Variants in IL31RA observed in about 807,000 individuals in gnomAD.
The protein encoded by IL31RA is interleukin-31 receptor subunit alpha.
A neutral mutation model predicts 83.7 loss-of-function variants in IL31RA; 66 were observed. The ratio of observed to expected loss-of-function variants is 0.79; its 90% CI spans 0.65 to 0.97. The LOEUF (loss-of-function observed/expected upper bound fraction) is 0.97. IL31RA is among the 50% of genes least tolerant of loss of function. The pLI, the probability that IL31RA is intolerant of heterozygous loss-of-function variation, is 0.00. For missense variants in IL31RA, 798 were observed against 919.4 expected (o/e 0.87, Z 1.71); for synonymous variants, 325 against 329.0 (o/e 0.99, Z 0.13).
rs1297805815 is a variant in IL31RA, at chr5:55,918,517, C to T, written c.*1397C>T. ...GACTCAGTCACATTTGGGGTTTTGC[C>T]CTCCCCTGTCCTGCCTGGGACTGGC... On this transcript the variant is annotated 3_prime_UTR_variant, in exon 15 of 15. Transcript: ENST00000652347. Among the ~76,000 whole-genome samples, 1 of 152,116 alleles carries T rather than the reference C, an allele frequency of 6.6e-6. No homozygotes were observed. Among genetic ancestry groups the T allele is most frequent in the African/African-American group, 2.4e-5 (1 of 41,408 alleles).
chr5:55,872,080 A>G (rs528846440), intron 3 of IL31RA, among the ~76,000 whole-genome samples, 190 bp from the exon 4 acceptor site: 40 of 152,268 alleles, frequency 2.6e-4, no homozygotes, highest in Non-Finnish European at 4.9e-4. Context: ...GGCAGCAGAA[A>G]GCAGGTAACC....
At chr5:55,855,765 T>C (rs1363344831) in intron 1 of IL31RA, among the ~76,000 whole-genome samples, 4 of 152,246 alleles carry the variant, frequency 2.6e-5, no homozygotes, top group African/African-American at 4.8e-5. Context: ...GCTTCCATCT[T>C]TGCTTTCTTC....
In IL31RA at chr5:55,882,709, TA is replaced by T. The variant is rs372520991; in HGVS notation, c.455-334del. Among the ~76,000 whole-genome samples the T allele has an allele frequency of 3.0e-3, 456 of 152,284 alleles. 1 individual carries two copies. The highest frequency in any genetic ancestry group is 0.01 in the African/African-American group (425 of 41,550). On this transcript the variant is annotated intron_variant, in intron 4 of 14. Transcript: ENST00000652347. ...CCTAGGGGTCAAGGAAGGAGAGGCC[TA>T]GGGGAGGTGAGAGTAAATAAGAGAG...
chr5:55,921,419 A>AT lies in IL31RA; in HGVS notation c.*4300dup, dbSNP rs1177720743. Among the ~76,000 whole-genome samples, 4 of 152,220 alleles carry AT rather than the reference A, an allele frequency of 2.6e-5. No homozygotes were observed. Among genetic ancestry groups the AT allele is most frequent in the African/African-American group, 9.6e-5 (4 of 41,456 alleles). ...GGTTTGCTAAGGCATCCCTTGGTTG[A>AT]TAGGATTCGTTTAAAGGTCCTCCTA... On this transcript the variant is annotated 3_prime_UTR_variant, in exon 15 of 15. Transcript: ENST00000652347.
rs752948148 is a variant in IL31RA at position 55,914,853 on chromosome 5, G to T, written c.1743G>T (p.Leu581Phe). ...VAYGLKKPNK[L>F]THLCWPTVPN... is the part of the protein sequence containing the mutation. ...AAATCTTCTCTCTCATTAGCAAATT[G>T]ACTCATCTGTGTTGGCCCACCGTTC... is the stretch of plus-strand genomic sequence containing the variant. The change falls in exon 14 of 15, where the codon TTG becomes TTT. Residue 581 changes from leucine (L) to phenylalanine (F), a missense_variant. Leu to Phe is a conservative substitution (Grantham distance 22, BLOSUM62 0). Transcript: ENST00000652347. The T allele has an allele frequency of 1.5e-5, 24 of 1,611,044 alleles. No individual in the cohort carries two copies. Among genetic ancestry groups the T allele is most frequent in the Admixed American group, 3.3e-5 (2 of 60,008 alleles).
rs973783349 is a variant in IL31RA, at chr5:55,863,656, C to CTT, written c.154+4059_154+4060dup. Among the ~76,000 whole-genome samples, 80 of 152,194 alleles carry CTT rather than the reference C, an allele frequency of 5.3e-4. 1 individual carries two copies. The highest frequency in any genetic ancestry group is 1.5e-3 in the Admixed American group (23 of 15,280). On this transcript the variant is annotated intron_variant, in intron 2 of 14. Transcript: ENST00000652347. ...TCTGTAACACCAATATCAAGAGAGC[C>CTT]TTTGTAAGACTATTGTTCTCTCTTA...
At position 55,889,975 on chromosome 5, in the gene IL31RA, A is replaced by G. The variant is rs1747880489; in HGVS notation, c.612A>G (p.Glu204=). Residue 204 remains glutamate, a synonymous_variant, in exon 6 of 15, where the codon GAA becomes GAG. Coordinates refer to ENST00000652347, the MANE Select transcript of IL31RA (RefSeq NM_139017.7). ...GGATTGTCTCTGTCTTGTAGATGGA[A>G]GTCAACTTCGCTAAGAACCGTAAGG... ...FRTVNSTSWM[E]VNFAKNRKDK... 6.2e-7 allele frequency: 1 copy of G among 1,614,124 alleles called. No homozygotes were observed. Among genetic ancestry groups the G allele is most frequent in the South Asian group, 1.1e-5 (1 of 91,084 alleles).
chr5:55,916,158 A>T (rs1749766145), intron 14 of IL31RA, among the ~76,000 whole-genome samples: 1 of 152,074 alleles, frequency 6.6e-6, no homozygotes, highest in Non-Finnish European at 1.5e-5. Flanking sequence ...GGCAGGGGGG[A>T]TTGCTTGAGC....
Position 55,920,674 on chromosome 5 carries a change from T to C in IL31RA, c.*3554T>C, listed in dbSNP as rs1251610619. Among the ~76,000 whole-genome samples the C allele has an allele frequency of 6.6e-6, 1 of 152,238 alleles. No homozygotes were observed. The highest frequency in any genetic ancestry group is 1.5e-5 in the Non-Finnish European group (1 of 68,040). On this transcript the variant is annotated 3_prime_UTR_variant, in exon 15 of 15. Transcript: ENST00000652347. The stretch of plus-strand genomic sequence containing the variant: ...ACAGACATGAAACTCAGACTGCCAC[T>C]ATGTTTCAACTTTGAATTAGCTGCA...
intron 13 of IL31RA, among the ~76,000 whole-genome samples, chr5:55,913,836 G>A (rs569838955): frequency 8.5e-5 from 13 of 152,312 alleles, no homozygotes; most frequent in African/African-American, 2.9e-4. Flanking sequence ...TGCCCCACAG[G>A]CTCTGTCTGC....
At chr5:55,889,238 A>T (rs1190352793) in intron 5 of IL31RA, among the ~76,000 whole-genome samples, 2 of 152,204 alleles carry the variant, frequency 1.3e-5, no homozygotes, top group Non-Finnish European at 2.9e-5. Flanking sequence ...TCTCTTGGAG[A>T]GCTGAGTCCC....
intron 11 of IL31RA, 109 bp downstream of exon 11, chr5:55,908,520 G>A: frequency 6.2e-7 from 1 of 1,605,804 alleles, no homozygotes; most frequent in Non-Finnish European, 8.5e-7. Context: ...TTGCAACCTG[G>A]CATGAATCAC....
chr5:55,888,487 A>G (rs1393415486), intron 5 of IL31RA, among the ~76,000 whole-genome samples: 7 of 152,386 alleles, frequency 4.6e-5, no homozygotes, highest in Non-Finnish European at 1.0e-4. Context: ...CTAAGGGTAC[A>G]ACAAAGCAGG....
intron 2 of IL31RA, among the ~76,000 whole-genome samples, chr5:55,867,085 T>TTG (rs758628114): frequency 3.9e-4 from 34 of 87,734 alleles, no homozygotes; most frequent in African/African-American, 1.0e-3. Context: ...GCATGTGTGT[T>TTG]TGTGTGTGTG....
the IL31RA span, chr5:55,839,816 A>T: frequency 3.9e-6 from 3 of 761,500 alleles, no homozygotes; most frequent in African/African-American, 3.4e-5. Flanking sequence ...GTCCTTTTTC[A>T]GGGCCAATTT....
chr5:55,911,493 GT>G (rs368882406), intron 12 of IL31RA, among the ~76,000 whole-genome samples: 7 of 151,900 alleles, frequency 4.6e-5, no homozygotes, highest in African/African-American at 7.2e-5. Flanking sequence ...ATTTGTGGAG[GT>G]TTTTTTTGAG....
intron 4 of IL31RA, among the ~76,000 whole-genome samples, chr5:55,882,656 C>A (rs1368286206): frequency 1.3e-5 from 2 of 152,126 alleles, no homozygotes; most frequent in Non-Finnish European, 2.9e-5. Context: ...GAGTTATTTT[C>A]TAGTGTTTAT....
chr5:55,872,283 A>G lies in IL31RA; in HGVS notation c.286A>G (p.Lys96Glu). 1 of 1,613,138 alleles carries G rather than the reference A, an allele frequency of 6.2e-7. No homozygotes were observed. The highest frequency in any genetic ancestry group is 8.5e-7 in the Non-Finnish European group (1 of 1,179,366). Residue 96 changes from lysine (K) to glutamate (E), a missense_variant, in exon 4 of 15, where the codon AAA becomes GAA. Transcript: ENST00000652347. ...TTTCTTTCAAAGCGCTTTTGGAGAA[A>G]AACATGATAATTGTACAACCAATAG... Reference protein sequence around the residue: ...TVKRTYAFGEKHDNCTTNSST... With the variant: ...TVKRTYAFGEEHDNCTTNSST...
Position 55,914,888 on chromosome 5 carries a change from C to T in IL31RA, c.1778C>T (p.Ala593Val). ...TGTTGGCCCACCGTTCCCAACCCTG[C>T]TGAAAGTAGTATAGCCACATGGCAT... is the stretch of plus-strand genomic sequence containing the variant. ...HLCWPTVPNP[A>V]ESSIATWHGD... is the part of the protein sequence containing the mutation. Residue 593 changes from alanine (A) to valine (V), a missense_variant, in exon 14 of 15, where the codon GCT (alanine) becomes GTT (valine). Ala to Val is a moderately conservative substitution (Grantham distance 64). Transcript: ENST00000652347. 2 of 1,613,686 alleles carry T rather than the reference C, an allele frequency of 1.2e-6. No homozygotes were observed. The highest frequency in any genetic ancestry group is 1.7e-6 in the Non-Finnish European group (2 of 1,179,568).
Sources: gnomAD v4.1 joint callset for allele counts (sites outside exome capture counted in the v4.1 genomes callset) on GRCh38, gnomAD v4.1.1 for gene constraint, MANE v1.5 for transcripts, NCBI Gene and HGNC (gene_info 2026-07-23, HGNC 2026-07-21) for gene names.